SPMIP2: variants seen among roughly 807,000 people sequenced by gnomAD.
SPMIP2 encodes the protein protein SPMIP2.
the SPMIP2 span, chr4:159,064,471 T>A: frequency 6.6e-6 from 1 of 152,138 alleles, no homozygotes; most frequent in Non-Finnish European, 1.5e-5. Flanking sequence ...AAAATCACAT[T>A]TCCGATGTCA....
At chr4:159,030,952 C>T in the SPMIP2 span, among the ~76,000 whole-genome samples, 1 of 152,106 alleles carries the variant, frequency 6.6e-6, no homozygotes. Flanking sequence ...AAAATAATTT[C>T]TAAATGATTT....
At chr4:158,982,537 T>G in the SPMIP2 span, among the ~76,000 whole-genome samples, 1 of 152,162 alleles carries the variant, frequency 6.6e-6, no homozygotes, top group Non-Finnish European at 1.5e-5. Context: ...CAGACCACAG[T>G]GCAATCAACT....
the SPMIP2 span, among the ~76,000 whole-genome samples, chr4:158,931,038 T>C: frequency 6.6e-6 from 1 of 152,196 alleles, no homozygotes; most frequent in Non-Finnish European, 1.5e-5. Context: ...ACTTCTGGGA[T>C]TACCATTTTG....
chr4:158,969,265 A>G, the SPMIP2 span, among the ~76,000 whole-genome samples: 43,276 of 152,068 alleles, frequency 0.28, 6,773 homozygotes, highest in South Asian at 0.44. Flanking sequence ...GAGGAGATAC[A>G]ACCAGCTAAG....
chr4:158,918,816 C>A, the SPMIP2 span, among the ~76,000 whole-genome samples: 1 of 152,284 alleles, frequency 6.6e-6, no homozygotes, highest in East Asian at 1.9e-4. Flanking sequence ...GAAGGTTTGG[C>A]TCCAGATGGG....
At chr4:159,017,102 A>T in the SPMIP2 span, among the ~76,000 whole-genome samples, 4 of 152,172 alleles carry the variant, frequency 2.6e-5, no homozygotes, top group African/African-American at 9.7e-5. Context: ...AAGTAGTAGT[A>T]GAGAAATGTT....
the SPMIP2 span, among the ~76,000 whole-genome samples, chr4:158,970,400 T>A: frequency 3.0e-4 from 45 of 151,958 alleles, no homozygotes; most frequent in Middle Eastern, 3.4e-3. Context: ...ATTATCTAGG[T>A]GTGGTGGCAT....
the SPMIP2 span, among the ~76,000 whole-genome samples, chr4:158,929,486 A>G: frequency 6.6e-6 from 1 of 152,264 alleles, no homozygotes; most frequent in African/African-American, 2.4e-5. Flanking sequence ...GATATTTTCT[A>G]TCATTTTAGC....
chr4:158,949,484 G>A, the SPMIP2 span, among the ~76,000 whole-genome samples: 2 of 152,194 alleles, frequency 1.3e-5, no homozygotes, highest in Non-Finnish European at 2.9e-5. Context: ...TAAATAACTT[G>A]TCCAAGGTAT....
At chr4:159,035,097 G>C in the SPMIP2 span, 1 of 1,612,108 alleles carries the variant, frequency 6.2e-7, no homozygotes, top group Non-Finnish European at 8.5e-7. Context: ...CAGATGCCAT[G>C]GCTAAAGTCT....
the SPMIP2 span, chr4:158,937,584 T>A: frequency 0.69 from 106,795 of 154,268 alleles, 37,393 homozygotes; most frequent in East Asian, 0.93. Flanking sequence ...CATCCAACTG[T>A]TTAATCAAGA....
the SPMIP2 span, among the ~76,000 whole-genome samples, chr4:159,005,097 A>G: frequency 5.0e-4 from 76 of 150,848 alleles, no homozygotes; most frequent in Admixed American, 1.3e-3. Flanking sequence ...TGGGCATGGT[A>G]GCGCAAGCCT....
the SPMIP2 span, among the ~76,000 whole-genome samples, chr4:158,995,994 T>A: frequency 1.3e-5 from 2 of 152,212 alleles, no homozygotes; most frequent in South Asian, 2.1e-4. Flanking sequence ...TGACTATGTG[T>A]CTTGTCTCTT....
chr4:158,965,385 AG>A, the SPMIP2 span, among the ~76,000 whole-genome samples: 1 of 152,114 alleles, frequency 6.6e-6, no homozygotes, highest in South Asian at 2.1e-4. Flanking sequence ...CTGAAATCTG[AG>A]TGGACTATTC....
At chr4:159,010,634 C>T in the SPMIP2 span, among the ~76,000 whole-genome samples, 8 of 152,192 alleles carry the variant, frequency 5.3e-5, no homozygotes, top group Non-Finnish European at 1.0e-4. Context: ...TAAAATGTGG[C>T]ATGCATAACC....
At chr4:159,058,219 G>A in the SPMIP2 span, among the ~76,000 whole-genome samples, 1 of 150,042 alleles carries the variant, frequency 6.7e-6, no homozygotes, top group Admixed American at 6.7e-5. Context: ...TCTTGTTACG[G>A]TTGTTTTGAA....
chr4:159,023,808 C>T, the SPMIP2 span, among the ~76,000 whole-genome samples: 4 of 152,138 alleles, frequency 2.6e-5, no homozygotes, highest in South Asian at 8.3e-4. Flanking sequence ...TTGTTCTAGC[C>T]ACCTCAAATT....
At chr4:158,951,679 T>C in the SPMIP2 span, among the ~76,000 whole-genome samples, 1 of 152,142 alleles carries the variant, frequency 6.6e-6, no homozygotes, top group Non-Finnish European at 1.5e-5. Context: ...CAGAAAAGAA[T>C]AGGAAAGTTT....
chr4:158,905,706 A>C, the SPMIP2 span: 1 of 151,854 alleles, frequency 6.6e-6, no homozygotes, highest in African/African-American at 2.4e-5. Context: ...AAAAAAAAAA[A>C]AAAACAACCT....
Sources: gnomAD v4.1 joint callset for allele counts (sites outside exome capture counted in the v4.1 genomes callset) on GRCh38, gnomAD v4.1.1 for gene constraint, MANE v1.5 for transcripts, NCBI Gene and HGNC (gene_info 2026-07-23, HGNC 2026-07-21) for gene names.